The following SNRPG variants were observed in gnomAD, a reference collection of about 807,000 sequenced individuals.
SNRPG encodes small nuclear ribonucleoprotein polypeptide G, also known as small nuclear ribonucleoprotein G.
SNRPG carries 3 observed loss-of-function variants against 13.9 expected under a neutral mutation model. The observed-to-expected ratio is 0.22, with a 90% CI of 0.10 to 0.56. SNRPG has a LOEUF of 0.56. Among genes scored for constraint, SNRPG ranks in the 20% least tolerant of loss-of-function variants. SNRPG has a pLI of 0.93. For missense variants in SNRPG, 34 were observed against 96.1 expected (o/e 0.35, Z 2.70); for synonymous variants, 29 against 29.3 (o/e 0.99, Z 0.03).
intron 3 of SNRPG, among the ~76,000 whole-genome samples, chr2:70,283,119 AAAAAAC>A (rs1696850981): frequency 2.0e-5 from 3 of 147,354 alleles, no homozygotes; most frequent in African/African-American, 7.7e-5. Flanking sequence ...AAAAAAAAAA[AAAAAAC>A]AACAAACCAA....
chr2:70,289,515 T>C, intron 1 of SNRPG, 143 bp from the exon 2 acceptor site: 1 of 550,582 alleles, frequency 1.8e-6, no homozygotes, highest in Non-Finnish European at 3.3e-6. Context: ...AATGTATTGC[T>C]GTAAAGAGTG....
chr2:70,292,875 C>T (rs1697136451), intron 1 of SNRPG: 1 of 456,824 alleles, frequency 2.2e-6, no homozygotes, highest in East Asian at 3.5e-5. Flanking sequence ...GTTAAGTCCA[C>T]TCAAAAAGTA....
At chr2:70,287,382 C>A (rs1696969424) in intron 3 of SNRPG, 1 of 695,214 alleles carries the variant, frequency 1.4e-6, no homozygotes, top group African/African-American at 1.8e-5. Context: ...CTGTGTTAGA[C>A]AAAGAGGGAC....
intron 1 of SNRPG, chr2:70,291,295 CT>C (rs1479329780): frequency 1.3e-5 from 2 of 152,106 alleles, no homozygotes; most frequent in Non-Finnish European, 2.9e-5. Flanking sequence ...GTATTAGCAG[CT>C]AGAAGGTTTG....
At chr2:70,292,433 C>T (rs751192082) in intron 1 of SNRPG, among the ~76,000 whole-genome samples, 1 of 152,160 alleles carries the variant, frequency 6.6e-6, no homozygotes, top group Non-Finnish European at 1.5e-5. Flanking sequence ...CTGCAACCTC[C>T]GCTTCCCGGG....
intron 3 of SNRPG, among the ~76,000 whole-genome samples, chr2:70,283,122 A>AAAAAAAAAAAAAAAAAAAAAAAAAAAC (rs1241967786): frequency 9.6e-5 from 8 of 82,990 alleles, no homozygotes; most frequent in Non-Finnish European, 1.3e-4. Context: ...AAAAAAAAAA[A>AAAAAAAAAAAAAAAAAAAAAAAAAAAC]AACAACAAAC....
intron 3 of SNRPG, among the ~76,000 whole-genome samples, chr2:70,283,477 T>G (rs1363596357): frequency 6.6e-6 from 1 of 152,236 alleles, no homozygotes; most frequent in Non-Finnish European, 1.5e-5. Context: ...TAACTTATTC[T>G]TTTCTCACAG....
intron 1 of SNRPG, among the ~76,000 whole-genome samples, chr2:70,292,421 C>G (rs542719463): frequency 3.9e-5 from 6 of 152,294 alleles, no homozygotes; most frequent in East Asian, 3.9e-4. Context: ...GATCTTGACT[C>G]ACTGCAACCT....
chr2:70,283,476 C>A (rs1380052800), intron 3 of SNRPG, among the ~76,000 whole-genome samples: 1 of 152,160 alleles, frequency 6.6e-6, no homozygotes, highest in South Asian at 2.1e-4. Flanking sequence ...GTAACTTATT[C>A]TTTTCTCACA....
At chr2:70,290,153 A>G (rs1697047362) in intron 1 of SNRPG, among the ~76,000 whole-genome samples, 1 of 152,020 alleles carries the variant, frequency 6.6e-6, no homozygotes, top group Non-Finnish European at 1.5e-5. Flanking sequence ...GGTCTCATTG[A>G]CCTAATTTTC....
At chr2:70,282,484 A>G (rs1696817318) in intron 3 of SNRPG, among the ~76,000 whole-genome samples, 1 of 152,226 alleles carries the variant, frequency 6.6e-6, no homozygotes, top group African/African-American at 2.4e-5. Flanking sequence ...AAGACAAAGT[A>G]TGAGAGGATA....
intron 3 of SNRPG, among the ~76,000 whole-genome samples, chr2:70,286,516 C>CT (rs141290240): frequency 0.061 from 9,203 of 150,418 alleles, 346 homozygotes; most frequent in East Asian, 0.17. Flanking sequence ...CTGATAAAAA[C>CT]TTTTTTTTTT....
chr2:70,291,058 C>G (rs911424934), intron 1 of SNRPG, among the ~76,000 whole-genome samples: 8 of 136,130 alleles, frequency 5.9e-5, no homozygotes, highest in African/African-American at 2.3e-4. Context: ...CACACACACA[C>G]ATATATGAAG....
chr2:70,290,928 T>C (rs1424865406), intron 1 of SNRPG, among the ~76,000 whole-genome samples: 2 of 145,922 alleles, frequency 1.4e-5, no homozygotes, highest in Admixed American at 7.0e-5. Context: ...GGAGAATCGC[T>C]TGAACCCGGG....
At chr2:70,289,498 T>G in intron 1 of SNRPG, 126 bp from the exon 2 acceptor site, 1 of 579,838 alleles carries the variant, frequency 1.7e-6, no homozygotes, top group Non-Finnish European at 3.1e-6. Flanking sequence ...TCTAAAATAG[T>G]AAAAATAATG....
intron 3 of SNRPG, 24 bp from the exon 4 acceptor site, chr2:70,281,708 G>T: frequency 2.3e-6 from 3 of 1,309,106 alleles, no homozygotes; most frequent in South Asian, 2.5e-5. Context: ...AAATAAATTT[G>T]AAAAGAACAA....
chr2:70,284,399 T>C (rs1696890163), intron 3 of SNRPG, among the ~76,000 whole-genome samples: 1 of 152,200 alleles, frequency 6.6e-6, no homozygotes, highest in African/African-American at 2.4e-5. Flanking sequence ...TATTATTTTT[T>C]TTGAAACAGG....
Position 70,293,608 on chromosome 2 carries a change from A to G in SNRPG, c.32+10T>C. 2 of 1,613,272 alleles carry G rather than the reference A, an allele frequency of 1.2e-6. No homozygotes were observed. The highest frequency in any genetic ancestry group is 8.5e-7 in the Non-Finnish European group (1 of 1,179,182). ...CTGACCACTTCGGTTTGGCTCTCAC[A>G]CATACTTACTTTTTCAACTCGGGAG... On this transcript the variant is annotated intron_variant, in intron 1 of 3. Coordinates refer to ENST00000272348, the MANE Select transcript of SNRPG (RefSeq NM_003096.4).
chr2:70,286,547 G>T (rs557615329), intron 3 of SNRPG, among the ~76,000 whole-genome samples: 1 of 152,114 alleles, frequency 6.6e-6, no homozygotes, highest in African/African-American at 2.4e-5. Context: ...GGGTTGGGGG[G>T]CGTGTGTGTC....
Sources: gnomAD v4.1 joint callset for allele counts (sites outside exome capture counted in the v4.1 genomes callset) on GRCh38, gnomAD v4.1.1 for gene constraint, MANE v1.5 for transcripts, NCBI Gene and HGNC (gene_info 2026-07-23, HGNC 2026-07-21) for gene names.